PAK5: variants seen among roughly 807,000 people sequenced by gnomAD.
PAK5 encodes serine/threonine-protein kinase PAK 5.
PAK5 carries 16 observed loss-of-function variants against 65.9 expected under a neutral mutation model. The ratio of observed to expected loss-of-function variants is 0.24; its 90% CI spans 0.16 to 0.37. The LOEUF (loss-of-function observed/expected upper bound fraction) is 0.37. PAK5 is among the 10% of genes least tolerant of loss of function. PAK5 has a pLI of 1.00. For missense variants in PAK5, 785 were observed against 903.9 expected, an observed-to-expected ratio of 0.87 and a Z score of 1.69; for synonymous variants, 371 against 354.9, an observed-to-expected ratio of 1.05 and a Z score of -0.51.
intron 1 of PAK5, among the ~76,000 whole-genome samples, chr20:9,820,370 T>C (rs1457091213): frequency 6.6e-6 from 1 of 152,192 alleles, no homozygotes; most frequent in African/African-American, 2.4e-5. Context: ...CTAATTAAAT[T>C]GGGCCACAAC....
intron 1 of PAK5, among the ~76,000 whole-genome samples, chr20:9,833,801 C>T (rs1697487643): frequency 6.6e-6 from 1 of 152,162 alleles, no homozygotes; most frequent in African/African-American, 2.4e-5. Flanking sequence ...TCTTTGTTTG[C>T]TCCTCAGTTT....
intron 1 of PAK5, among the ~76,000 whole-genome samples, chr20:9,755,894 C>T (rs1221845234): frequency 2.6e-5 from 4 of 152,166 alleles, no homozygotes; most frequent in Non-Finnish European, 5.9e-5. Context: ...CAACCCATTG[C>T]AGAAACAATT....
chr20:9,569,884 C>G (rs1233749001), intron 4 of PAK5, among the ~76,000 whole-genome samples: 2 of 151,900 alleles, frequency 1.3e-5, no homozygotes, highest in Non-Finnish European at 2.9e-5. Context: ...GAATTCACCA[C>G]TCAGACAGCC....
intron 1 of PAK5, among the ~76,000 whole-genome samples, chr20:9,755,253 T>C (rs1376943857): frequency 6.6e-6 from 1 of 152,220 alleles, no homozygotes. Flanking sequence ...TGCAGTAAAA[T>C]CTTTGCAAGT....
At chr20:9,680,463 A>G (rs546082651) in intron 2 of PAK5, among the ~76,000 whole-genome samples, 14 of 152,254 alleles carry the variant, frequency 9.2e-5, no homozygotes, top group African/African-American at 3.4e-4. Context: ...CAGCAACTGG[A>G]GCTCGGTCCT....
chr20:9,735,016 A>G (rs1161758548), intron 1 of PAK5, among the ~76,000 whole-genome samples: 1 of 152,228 alleles, frequency 6.6e-6, no homozygotes, highest in Non-Finnish European at 1.5e-5. Context: ...TTTTTCATTT[A>G]TTGAATATTT....
chr20:9,551,306 C>T (rs192952671), intron 7 of PAK5, among the ~76,000 whole-genome samples: 3 of 152,278 alleles, frequency 2.0e-5, no homozygotes, highest in Admixed American at 2.0e-4. Context: ...AGGAAACCAC[C>T]TTCGTCTCAC....
chr20:9,745,641 A>G (rs2048498559), intron 1 of PAK5, among the ~76,000 whole-genome samples: 1 of 152,132 alleles, frequency 6.6e-6, no homozygotes, highest in Admixed American at 6.5e-5. Flanking sequence ...TAATGTGTAC[A>G]TGAATGCCTT....
intron 1 of PAK5, among the ~76,000 whole-genome samples, chr20:9,742,567 C>T (rs1194542449): frequency 6.6e-6 from 1 of 152,170 alleles, no homozygotes; most frequent in East Asian, 1.9e-4. Context: ...AAACTGCAGA[C>T]ATTCCACTCA....
chr20:9,708,034 C>G (rs2048030454), intron 2 of PAK5, among the ~76,000 whole-genome samples: 2 of 152,196 alleles, frequency 1.3e-5, no homozygotes, highest in Admixed American at 1.3e-4. Context: ...CAACATACTT[C>G]TAGTTTAGCC....
chr20:9,808,880 T>C (rs936092239), intron 1 of PAK5, among the ~76,000 whole-genome samples: 1 of 152,156 alleles, frequency 6.6e-6, no homozygotes. Flanking sequence ...TGAATATAAC[T>C]CAGTAAATCT....
At chr20:9,588,260 G>GCCAA (rs2046104902) in intron 3 of PAK5, among the ~76,000 whole-genome samples, 1 of 152,078 alleles carries the variant, frequency 6.6e-6, no homozygotes, top group Admixed American at 6.6e-5. Context: ...AAATCTAAAA[G>GCCAA]CCAACCAACC....
intron 2 of PAK5, among the ~76,000 whole-genome samples, chr20:9,675,759 G>T (rs1014529775): frequency 2.6e-5 from 4 of 152,142 alleles, no homozygotes; most frequent in Non-Finnish European, 5.9e-5. Flanking sequence ...AAGAAGAAAG[G>T]CAAACTATAT....
intron 7 of PAK5, among the ~76,000 whole-genome samples, chr20:9,555,490 CT>C (rs1311252155): frequency 6.6e-6 from 1 of 152,174 alleles, no homozygotes; most frequent in Non-Finnish European, 1.5e-5. Context: ...GAAAGAAAGT[CT>C]TTCTTGAAAT....
intron 3 of PAK5, among the ~76,000 whole-genome samples, chr20:9,614,556 G>GA (rs1159385670): frequency 6.6e-6 from 1 of 151,930 alleles, no homozygotes; most frequent in South Asian, 2.1e-4. Context: ...ATCAGATAAG[G>GA]AAAAAAATCC....
chr20:9,791,164 G>A (rs1198661653), intron 1 of PAK5, among the ~76,000 whole-genome samples: 2 of 152,016 alleles, frequency 1.3e-5, no homozygotes, highest in African/African-American at 2.4e-5. Flanking sequence ...ACATGTAGAC[G>A]ACTTAGAAAT....
At chr20:9,677,168 T>C (rs571153938) in intron 2 of PAK5, among the ~76,000 whole-genome samples, 1 of 152,142 alleles carries the variant, frequency 6.6e-6, no homozygotes, top group Non-Finnish European at 1.5e-5. Context: ...AAAAATATTC[T>C]CTTTCACTTC....
At chr20:9,779,086 C>A (rs944411444) in intron 1 of PAK5, among the ~76,000 whole-genome samples, 2 of 152,056 alleles carry the variant, frequency 1.3e-5, no homozygotes, top group African/African-American at 4.8e-5. Context: ...ACAGCATCCT[C>A]AGGAATAGAG....
intron 2 of PAK5, among the ~76,000 whole-genome samples, chr20:9,672,965 T>C (rs1268854180): frequency 6.6e-6 from 1 of 152,194 alleles, no homozygotes; most frequent in East Asian, 1.9e-4. Flanking sequence ...AGGTCCCTTC[T>C]GACTCTAAGG....
Sources: gnomAD v4.1 joint callset for allele counts (sites outside exome capture counted in the v4.1 genomes callset) on GRCh38, gnomAD v4.1.1 for gene constraint, MANE v1.5 for transcripts, NCBI Gene and HGNC (gene_info 2026-07-23, HGNC 2026-07-21) for gene names.